The following FRMD4A variants were observed in gnomAD, a reference collection of about 807,000 sequenced individuals.
FRMD4A encodes the protein FERM domain containing 4A, also known as FERM domain-containing protein 4A.
A neutral mutation model predicts 129.1 loss-of-function variants in FRMD4A; 29 were observed. The ratio of observed to expected loss-of-function variants is 0.22; its 90% confidence interval spans 0.17 to 0.31. The LOEUF is 0.31. Among genes scored for constraint, FRMD4A ranks in the 10% least tolerant of loss-of-function variants. The probability of loss-of-function intolerance (pLI) is 1.00; values close to 1 mark genes in which losing one functional copy is unlikely to be tolerated. For missense variants in FRMD4A, 1,272 were observed against 1,375.8 expected, an observed-to-expected ratio of 0.92 and a Z score of 1.19; for synonymous variants, 634 against 571.6, an observed-to-expected ratio of 1.11 and a Z score of -1.56.
chr10:14,113,519 C>T (rs1347893156), intron 2 of FRMD4A, among the ~76,000 whole-genome samples: 8 of 152,106 alleles, frequency 5.3e-5, no homozygotes, highest in Admixed American at 6.5e-5. Flanking sequence ...GATAAGGCTT[C>T]TGGTGAAGAT....
intron 4 of FRMD4A, among the ~76,000 whole-genome samples, chr10:13,802,513 G>A (rs967869348): frequency 1.3e-5 from 2 of 152,280 alleles, no homozygotes; most frequent in East Asian, 3.9e-4. Flanking sequence ...GTGCAGTGGT[G>A]CAATCATAGC....
At chr10:13,708,203 A>C (rs756288824) in intron 12 of FRMD4A, among the ~76,000 whole-genome samples, 2 of 152,154 alleles carry the variant, frequency 1.3e-5, no homozygotes, top group Non-Finnish European at 2.9e-5. Flanking sequence ...AATGCTTTTC[A>C]GGGTCTTACC....
chr10:14,119,756 T>G (rs1012644167), intron 2 of FRMD4A, among the ~76,000 whole-genome samples: 3 of 152,172 alleles, frequency 2.0e-5, no homozygotes, highest in Non-Finnish European at 4.4e-5. Context: ...AGGGACTTAT[T>G]TGGGGAGTAA....
intron 2 of FRMD4A, among the ~76,000 whole-genome samples, chr10:14,090,431 AG>A (rs1365988413): frequency 6.6e-6 from 1 of 152,192 alleles, no homozygotes; most frequent in Non-Finnish European, 1.5e-5. Flanking sequence ...GCAGGACAAG[AG>A]CCTGGGGACA....
intron 2 of FRMD4A, among the ~76,000 whole-genome samples, chr10:14,020,828 G>C (rs1832711843): frequency 6.6e-6 from 1 of 152,118 alleles, no homozygotes; most frequent in East Asian, 1.9e-4. Context: ...CATTCAAGGG[G>C]GAAAGGTTAG....
intron 2 of FRMD4A, among the ~76,000 whole-genome samples, chr10:14,250,954 G>C (rs1424572180): frequency 6.6e-6 from 1 of 152,166 alleles, no homozygotes; most frequent in African/African-American, 2.4e-5. Context: ...CTCTTAGAAA[G>C]TTAGCATTCC....
At chr10:13,847,238 C>T (rs1367198260) in intron 3 of FRMD4A, among the ~76,000 whole-genome samples, 6 of 152,094 alleles carry the variant, frequency 3.9e-5, no homozygotes, top group African/African-American at 1.4e-4. Flanking sequence ...ACCTAGTGGG[C>T]GGCCCCAGGG....
At chr10:14,265,182 C>T (rs144923847) in intron 2 of FRMD4A, among the ~76,000 whole-genome samples, 161 of 152,292 alleles carry the variant, frequency 1.1e-3, no homozygotes, top group East Asian at 8.7e-3. Flanking sequence ...TAGTACCCAA[C>T]GTAGAGCAGG....
At chr10:13,922,744 C>A (rs1381050355) in intron 2 of FRMD4A, among the ~76,000 whole-genome samples, 1 of 152,222 alleles carries the variant, frequency 6.6e-6, no homozygotes, top group African/African-American at 2.4e-5. Context: ...TAGAAACCCA[C>A]AAGTTCTGTG....
chr10:14,063,705 T>C (rs1223346625), intron 2 of FRMD4A, among the ~76,000 whole-genome samples: 2 of 152,070 alleles, frequency 1.3e-5, no homozygotes, highest in African/African-American at 4.8e-5. Flanking sequence ...CAAGGAAGGA[T>C]AGACAGGGGA....
chr10:14,327,488 G>A (rs750627559), intron 2 of FRMD4A, among the ~76,000 whole-genome samples: 3 of 152,198 alleles, frequency 2.0e-5, no homozygotes, highest in Non-Finnish European at 4.4e-5. Flanking sequence ...GCATCACCAA[G>A]GCAGAGAAAG....
At chr10:13,664,614 G>A (rs1031941450) in intron 18 of FRMD4A, among the ~76,000 whole-genome samples, 4 of 152,134 alleles carry the variant, frequency 2.6e-5, no homozygotes, top group Admixed American at 1.3e-4. Flanking sequence ...GGATGCTCAC[G>A]AGTTTAGGCT....
At chr10:14,038,270 C>G (rs1833599765) in intron 2 of FRMD4A, among the ~76,000 whole-genome samples, 1 of 152,140 alleles carries the variant, frequency 6.6e-6, no homozygotes, top group Admixed American at 6.5e-5. Flanking sequence ...TTGCAGTGAG[C>G]CAAGATCGCA....
intron 2 of FRMD4A, among the ~76,000 whole-genome samples, chr10:14,142,352 C>T (rs1839880420): frequency 1.3e-5 from 2 of 152,134 alleles, no homozygotes; most frequent in Admixed American, 6.5e-5. Context: ...AACTGTCAGG[C>T]AATTTAAGCA....
chr10:14,279,451 G>A (rs569347399), intron 2 of FRMD4A, among the ~76,000 whole-genome samples: 4 of 152,018 alleles, frequency 2.6e-5, no homozygotes, highest in South Asian at 2.1e-4. Context: ...CACCCACCTC[G>A]ACCTCCCAAA....
At chr10:14,264,680 C>T (rs1319449762) in intron 2 of FRMD4A, among the ~76,000 whole-genome samples, 1 of 152,172 alleles carries the variant, frequency 6.6e-6, no homozygotes, top group Non-Finnish European at 1.5e-5. Flanking sequence ...TTTTAAAATT[C>T]CCTTTGACCC....
chr10:13,992,952 CAAAAAAAAAAAAAAAA>C (rs10648349), intron 2 of FRMD4A, among the ~76,000 whole-genome samples: 1,355 of 66,060 alleles, frequency 0.021, 31 homozygotes, highest in African/African-American at 0.09. Context: ...GACTCTGTCT[CAAAAAAAAAAAAAAAA>C]AAAAAAAAAA....
intron 2 of FRMD4A, among the ~76,000 whole-genome samples, chr10:13,972,654 G>A (rs981733848): frequency 1.3e-5 from 2 of 152,056 alleles, no homozygotes; most frequent in Non-Finnish European, 1.5e-5. Flanking sequence ...AATTAAACGT[G>A]TCATAACCAT....
intron 2 of FRMD4A, among the ~76,000 whole-genome samples, chr10:14,299,967 G>A (rs1202597927): frequency 1.3e-5 from 2 of 152,064 alleles, no homozygotes; most frequent in Non-Finnish European, 2.9e-5. Context: ...AAGAAGACAT[G>A]AGAAAGAGAA....
Sources: gnomAD v4.1 joint callset for allele counts (sites outside exome capture counted in the v4.1 genomes callset) on GRCh38, gnomAD v4.1.1 for gene constraint, MANE v1.5 for transcripts, NCBI Gene and HGNC (gene_info 2026-07-23, HGNC 2026-07-21) for gene names.